The following POLK variants were observed in gnomAD, a reference collection of about 807,000 sequenced individuals.
POLK encodes the protein polymerase (DNA directed) kappa.
In POLK, 76 loss-of-function variants were observed where a neutral mutation model predicts 94.0. The ratio of observed to expected loss-of-function variants is 0.81; its 90% CI spans 0.67 to 0.98. The LOEUF is 0.98. Ranked by LOEUF, POLK falls within the 50% of genes least tolerant of loss-of-function variation. The pLI is 0.00. For synonymous variants in POLK, 349 were observed against 325.4 expected (o/e 1.07, Z -0.78); for missense variants, 954 against 1,010.1 (o/e 0.94, Z 0.75).
chr5:75,511,226 C>A (rs760785239), upstream of POLK: 70 of 1,611,626 alleles, frequency 4.3e-5, no homozygotes, highest in Non-Finnish European at 5.5e-5. Flanking sequence ...GACAACCGAG[C>A]AGGAGACCGG....
intron 3 of POLK, among the ~76,000 whole-genome samples, chr5:75,555,160 A>C (rs1042722840): frequency 2.0e-5 from 3 of 152,116 alleles, no homozygotes; most frequent in Non-Finnish European, 4.4e-5. Context: ...TTATCATCCA[A>C]AGTTGATAGT....
At chr5:75,517,061 T>C (rs1035571707) in intron 1 of POLK, among the ~76,000 whole-genome samples, 12 of 152,240 alleles carry the variant, frequency 7.9e-5, no homozygotes, top group African/African-American at 2.7e-4. Context: ...GTAGTATATT[T>C]TGAAGTCAGA....
intron 10 of POLK, among the ~76,000 whole-genome samples, chr5:75,589,058 T>G (rs1772615313): frequency 6.6e-6 from 1 of 152,176 alleles, no homozygotes; most frequent in Non-Finnish European, 1.5e-5. Flanking sequence ...ACACATGTAC[T>G]TTGATGCCAT....
At chr5:75,511,412 C>A, upstream of POLK, 1 of 1,545,382 alleles carries the variant, frequency 6.5e-7, no homozygotes, top group Non-Finnish European at 8.7e-7. Context: ...GGAGGACGAG[C>A]GGTGAAGGAA....
At chr5:75,566,371 G>T (rs1040498962) in intron 3 of POLK, among the ~76,000 whole-genome samples, 2 of 152,194 alleles carry the variant, frequency 1.3e-5, no homozygotes, top group Admixed American at 6.5e-5. Flanking sequence ...CCCAGGGAAT[G>T]AACGGTTCTG....
chr5:75,569,046 G>T (rs560635682), intron 3 of POLK, among the ~76,000 whole-genome samples: 1 of 152,196 alleles, frequency 6.6e-6, no homozygotes, highest in East Asian at 1.9e-4. Flanking sequence ...TTGAGGATAG[G>T]CTGTCTCTAT....
intron 2 of POLK, among the ~76,000 whole-genome samples, chr5:75,547,980 C>A (rs1055798128): frequency 7.9e-5 from 12 of 152,052 alleles, no homozygotes; most frequent in African/African-American, 2.9e-4. Context: ...AGGCCGGAGT[C>A]CAGTAGCACA....
chr5:75,577,171 A>G (rs192389108), intron 6 of POLK, among the ~76,000 whole-genome samples: 1 of 152,338 alleles, frequency 6.6e-6, no homozygotes, highest in Admixed American at 6.5e-5. Context: ...AAGAGTCTGC[A>G]GAGTCCCTGA....
chr5:75,515,749 C>T (rs1350784035), intron 1 of POLK, among the ~76,000 whole-genome samples: 2 of 152,196 alleles, frequency 1.3e-5, no homozygotes, highest in African/African-American at 4.8e-5. Flanking sequence ...TCCCCTTTCT[C>T]CACATCCTTG....
At chr5:75,589,997 A>G (rs1167681769) in intron 10 of POLK, among the ~76,000 whole-genome samples, 1 of 152,180 alleles carries the variant, frequency 6.6e-6, no homozygotes, top group Non-Finnish European at 1.5e-5. Context: ...CTTTCTTAAG[A>G]TAATCTTCTG....
At chr5:75,596,646 A>C in exon 13 of POLK, 1 of 1,614,134 alleles carries the variant, frequency 6.2e-7, no homozygotes, top group Non-Finnish European at 8.5e-7. Context: ...ATGGACCTTC[A>C]ATCAGTGAAA....
At chr5:75,569,264 T>TAACCAC (rs1771453030) in intron 3 of POLK, 76 bp from the exon 4 acceptor site, 2 of 967,476 alleles carry the variant, frequency 2.1e-6, no homozygotes, top group Non-Finnish European at 3.1e-6. Context: ...CTTAATAAAT[T>TAACCAC]AAGATTAATG....
chr5:75,585,554 G>A (rs1336083789), intron 9 of POLK, among the ~76,000 whole-genome samples: 8 of 152,154 alleles, frequency 5.3e-5, no homozygotes, highest in East Asian at 1.9e-4. Context: ...ATCCAAAGGC[G>A]GAGAGACCTG....
downstream of POLK, among the ~76,000 whole-genome samples, chr5:75,604,412 C>T (rs969147768): frequency 3.9e-5 from 6 of 152,128 alleles, no homozygotes; most frequent in East Asian, 1.9e-4. Context: ...AAGGTCTCAC[C>T]GTCACCCAGG....
chr5:75,540,860 C>A (rs1769701979), intron 1 of POLK, among the ~76,000 whole-genome samples: 1 of 152,118 alleles, frequency 6.6e-6, no homozygotes, highest in Non-Finnish European at 1.5e-5. Flanking sequence ...AAGAAACAAT[C>A]AACTCCTATA....
intron 13 of POLK, 66 bp downstream of exon 13, chr5:75,597,244 T>C: frequency 1.2e-6 from 1 of 849,514 alleles, no homozygotes; most frequent in African/African-American, 1.7e-5. Flanking sequence ...ATTAATGAGA[T>C]TGTTGTTAAA....
chr5:75,609,955 G>A, the POLK span: 1 of 152,152 alleles, frequency 6.6e-6, no homozygotes, highest in Non-Finnish European at 1.5e-5. Context: ...TTGTAAATTT[G>A]TAAGAAGAAT....
At chr5:75,603,832 T>C (rs1448848912), downstream of POLK, among the ~76,000 whole-genome samples, 1 of 152,144 alleles carries the variant, frequency 6.6e-6, no homozygotes, top group Non-Finnish European at 1.5e-5. Flanking sequence ...AGGGCCACCT[T>C]CAGAAAAGTG....
chr5:75,561,258 T>C (rs1189160056), intron 3 of POLK, among the ~76,000 whole-genome samples: 1 of 152,236 alleles, frequency 6.6e-6, no homozygotes, highest in African/African-American at 2.4e-5. Context: ...GTTTCTCTAA[T>C]GACCATTGAT....
Sources: gnomAD v4.1 joint callset for allele counts (sites outside exome capture counted in the v4.1 genomes callset) on GRCh38, gnomAD v4.1.1 for gene constraint, MANE v1.5 for transcripts, NCBI Gene and HGNC (gene_info 2026-07-23, HGNC 2026-07-21) for gene names.